Variants in DRG2 observed in about 807,000 individuals in gnomAD.
DRG2 encodes developmentally-regulated GTP-binding protein 2.
A neutral mutation model predicts 53.4 loss-of-function variants in DRG2; 36 were observed. The observed-to-expected ratio is 0.67, with a 90% CI of 0.52 to 0.89. The LOEUF is 0.89. Among genes scored for constraint, DRG2 ranks in the 40% least tolerant of loss-of-function variants. DRG2 has a pLI of 0.00. For missense variants in DRG2, 342 were observed against 481.2 expected (o/e 0.71, Z 2.71); for synonymous variants, 167 against 192.1 (o/e 0.87, Z 1.08).
At chr17:18,089,852 G>A (rs1035730621) in intron 1 of DRG2, among the ~76,000 whole-genome samples, 5 of 152,176 alleles carry the variant, frequency 3.3e-5, no homozygotes, top group African/African-American at 1.2e-4. Context: ...GGGGTGCAGT[G>A]ATGGGACAGG....
Position 18,093,835 on chromosome 17 carries a change from G to T in DRG2, c.87G>T (p.Leu29=). The T allele has an allele frequency of 1.2e-6, 2 of 1,614,128 alleles. No homozygotes were observed. Among genetic ancestry groups the T allele is most frequent in the Non-Finnish European group, 8.5e-7 (1 of 1,180,000 alleles). ...KNKATEYHLG[L]LKAKLAKYRA... ...TAGCCACTGAGTATCATCTGGGCCT[G>T]CTGAAAGCTAAGCTCGCCAAGTATC... is the stretch of plus-strand genomic sequence containing the variant. The change falls in exon 2 of 13, where the codon CTG becomes CTT. Residue 29 remains leucine, a synonymous_variant. Transcript: ENST00000225729.
rs371097365 is a variant in DRG2, at chr17:18,100,558, T to C, written c.541-11T>C. 1 of 1,614,172 alleles carries C rather than the reference T, an allele frequency of 6.2e-7. No individual in the cohort carries two copies. The highest frequency in any genetic ancestry group is 1.1e-5 in the South Asian group (1 of 91,078). The stretch of plus-strand genomic sequence containing the variant: ...GTCAGCAGTTCTCCCCATCCCTTTC[T>C]CCTCTTTCAGCCCAAGAAAGGTGGT... On this transcript the variant is annotated splice_polypyrimidine_tract_variant and intron_variant, in intron 6 of 12. Transcript: ENST00000225729. This position sits in a 1 kb window ranked among gnomAD's most constrained non-coding sequence, Gnocchi z 4.1.
intron 1 of DRG2, among the ~76,000 whole-genome samples, chr17:18,091,037 C>T (rs1343721218): frequency 2.0e-5 from 3 of 152,278 alleles, no homozygotes; most frequent in African/African-American, 7.2e-5. Flanking sequence ...AAAATATTTC[C>T]TGTGTGCCTG....
At chr17:18,102,112 C>A in intron 9 of DRG2, 115 bp downstream of exon 9, 3 of 1,085,932 alleles carry the variant, frequency 2.8e-6, no homozygotes, top group Non-Finnish European at 4.1e-6. Flanking sequence ...CAGCCTCCAG[C>A]AGCACACAGC....
Position 18,107,301 on chromosome 17 carries a change from G to C in DRG2, c.*61G>C, listed in dbSNP as rs1185129059. 2.6e-6 allele frequency: 4 copies of C among 1,530,824 alleles called. No homozygotes were observed. The East Asian group carries it at 6.8e-5, about 26-fold the overall frequency. The allele number at this position is 1,530,824 out of a possible 1,614,324, so 94.8% of individuals were successfully genotyped here. A position where few individuals can be genotyped will look rare whatever the true frequency, so the allele number is the denominator to read the frequency against. On this transcript the variant is annotated 3_prime_UTR_variant, in exon 13 of 13. Transcript: ENST00000225729. Reference sequence around the variant, plus strand: ...CTCCCTGGGGAGGTGGTCCCACTGGGACACACAAACACCCAAACAGAAAAA... The same window carrying C: ...CTCCCTGGGGAGGTGGTCCCACTGGCACACACAAACACCCAAACAGAAAAA...
In DRG2 at chr17:18,103,134, C is replaced by T. The variant is rs115638852; in HGVS notation, c.807-667C>T. 0.019 allele frequency among the ~76,000 whole-genome samples: 2,924 copies of T among 152,252 alleles called. 75 individuals are homozygous for T. Among genetic ancestry groups the T allele is most frequent in the African/African-American group, 0.057 (2,374 of 41,542 alleles). On this transcript the variant is annotated intron_variant, in intron 9 of 12. Transcript: ENST00000225729. This position sits in a 1 kb window ranked among gnomAD's most constrained non-coding sequence, Gnocchi z 4.4. Reference sequence around the variant, plus strand: ...CCTCTCCTCCTGCTGTGTCCCAGGCCTTTGAGGGGCTGCCATCCTCAGGGC... The same window carrying T: ...CCTCTCCTCCTGCTGTGTCCCAGGCTTTTGAGGGGCTGCCATCCTCAGGGC...
intron 2 of DRG2, among the ~76,000 whole-genome samples, chr17:18,095,160 C>T (rs906147479): frequency 8.6e-5 from 13 of 150,848 alleles, no homozygotes; most frequent in East Asian, 4.0e-4. Flanking sequence ...TACAGGCATC[C>T]GCCACCACCC....
rs2045538153 is a variant in DRG2 at position 18,101,606 on chromosome 17, G to C, written c.729+16G>C. Reference sequence around the variant, plus strand: ...CTGCCTGTATGTAAGTGCAGGAGGGGAGCCCTGGCCTGGCCACTCGGCCTT... The same window carrying C: ...CTGCCTGTATGTAAGTGCAGGAGGGCAGCCCTGGCCTGGCCACTCGGCCTT... On this transcript the variant is annotated intron_variant, in intron 8 of 12. Transcript: ENST00000225729. The C allele has an allele frequency of 6.2e-7, 1 of 1,612,556 alleles. No homozygotes were observed. Among genetic ancestry groups the C allele is most frequent in the South Asian group, 1.1e-5 (1 of 91,020 alleles).
rs1260164618 is a variant in DRG2 at position 18,099,766 on chromosome 17, G to A, written c.467+43G>A. ...TGGGGCAGGCTCACATGTCTGGGGA[G>A]GGCCAATGTGTCCCTGAGCTCGTAC... On this transcript the variant is annotated intron_variant, in intron 5 of 12. Transcript: ENST00000225729. This position sits in a 1 kb window ranked among gnomAD's most constrained non-coding sequence, Gnocchi z 4.4. 4 of 1,559,406 alleles carry A rather than the reference G, an allele frequency of 2.6e-6. No individual in the cohort carries two copies. The highest frequency in any genetic ancestry group is 3.8e-5 in the Admixed American group (2 of 52,006).
At position 18,104,648 on chromosome 17, in the gene DRG2, C is replaced by T. The variant is rs2045596018; in HGVS notation, c.921C>T (p.Ile307=). 9 of 1,613,914 alleles carry T rather than the reference C, an allele frequency of 5.6e-6. No homozygotes were observed. Among genetic ancestry groups the T allele is most frequent in the African/African-American group, 2.7e-5 (2 of 75,062 alleles). ...AGAGGCCAGACTTCACAGACGCCATCATTCTCCGGAAAGGGGCCTCAGTGG... is the reference window on the plus strand; with the variant it reads ...AGAGGCCAGACTTCACAGACGCCATTATTCTCCGGAAAGGGGCCTCAGTGG... ...RGQRPDFTDA[I]ILRKGASVEH... is the part of the protein sequence containing the mutation. Residue 307 remains isoleucine, a synonymous_variant, in exon 11 of 13, where the codon ATC becomes ATT. Coordinates refer to ENST00000225729, the MANE Select transcript of DRG2 (RefSeq NM_001388.5).
At chr17:18,094,515 G>T (rs2045392475) in intron 2 of DRG2, among the ~76,000 whole-genome samples, 1 of 152,144 alleles carries the variant, frequency 6.6e-6, no homozygotes, top group Admixed American at 6.5e-5. Flanking sequence ...CAGACAGAGG[G>T]AACAGTGAGC....
At chr17:18,090,241 G>T (rs1453589438) in intron 1 of DRG2, among the ~76,000 whole-genome samples, 24 of 137,498 alleles carry the variant, frequency 1.7e-4, no homozygotes, top group African/African-American at 6.0e-4. Context: ...GCCCAGGCTG[G>T]AGTGCTGGAG....
In DRG2 at chr17:18,101,574, A is replaced by G; in HGVS notation, c.713A>G (p.Tyr238Cys). The change falls in exon 8 of 13, where the codon TAC (tyrosine) becomes TGC (cysteine). Residue 238 changes from tyrosine to cysteine, a missense_variant. Coordinates refer to ENST00000225729, the MANE Select transcript of DRG2 (RefSeq NM_001388.5). ...GATGTGATCGTGGGCAACCGGGTGT[A>G]CATGCCCTGCCTGTATGTAAGTGCA... ...FIDVIVGNRV[Y>C]MPCLYVYNKI... 6.2e-7 allele frequency: 1 copy of G among 1,614,132 alleles called. No homozygotes were observed. Among genetic ancestry groups the G allele is most frequent in the Non-Finnish European group, 8.5e-7 (1 of 1,180,032 alleles).
rs989781832 is a variant in DRG2, at chr17:18,088,036, G to A, written c.13G>A (p.Glu5Lys). 1 of 1,549,852 alleles carries A rather than the reference G, an allele frequency of 6.5e-7. No homozygotes were observed. The highest frequency in any genetic ancestry group is 1.4e-5 in the African/African-American group (1 of 72,992). The stretch of plus-strand genomic sequence containing the variant: ...CTCTGCTGCTACCATGGGGATCTTA[G>A]AGAAGATCTCGGAGATCGAGAAGGA... MGIL[E>K]KISEIEKEIA... The change falls in exon 1 of 13, where the codon GAG becomes AAG. Residue 5 changes from glutamate (E) to lysine (K), a missense_variant. Transcript: ENST00000225729.
chr17:18,106,511 C>A (rs2045635257), intron 12 of DRG2, 25 bp downstream of exon 12: 5 of 1,613,696 alleles, frequency 3.1e-6, no homozygotes, highest in Non-Finnish European at 4.2e-6. Flanking sequence ...GGAAAGCAAC[C>A]AGGGGGGTAG....
chr17:18,088,167 G>T, intron 1 of DRG2, 80 bp downstream of exon 1: 1 of 1,454,614 alleles, frequency 6.9e-7, no homozygotes, highest in Non-Finnish European at 9.3e-7. Flanking sequence ...AACTCCAGCA[G>T]TAATGCTGGG....
rs187314740 is a variant in DRG2, at chr17:18,093,610, G to A, written c.65-203G>A. ...TGGGATTACAGGCGTCAGCCACTGC[G>A]CCCGGTCTAAGAGACTGGATTTTAT... On this transcript the variant is annotated intron_variant, in intron 1 of 12. Transcript: ENST00000225729. Among the ~76,000 whole-genome samples, 51 of 152,250 alleles carry A rather than the reference G, an allele frequency of 3.3e-4. No homozygotes were observed. In the East Asian group the frequency reaches 5.6e-3, roughly 17 times the overall value.
At position 18,099,833 on chromosome 17, in the gene DRG2, AGTGGTAGGACTT is replaced by A. The variant is rs562595344; in HGVS notation, c.467+113_467+124del. On this transcript the variant is annotated intron_variant, in intron 5 of 12. Transcript: ENST00000225729. The surrounding 1 kb of genome is among the most constrained non-coding windows in gnomAD (Gnocchi z 4.4). Reference sequence around the variant, plus strand: ...GTTTGGCTCTCTCACACGTGAGAGTAGTGGTAGGACTTGTCACAGACTAAACCCAACACCACC... The same window carrying A: ...GTTTGGCTCTCTCACACGTGAGAGTAGTCACAGACTAAACCCAACACCACC... 359 of 1,094,588 alleles carry A rather than the reference AGTGGTAGGACTT, an allele frequency of 3.3e-4. No individual in the cohort carries two copies. In the African/African-American group the frequency reaches 5.1e-3, roughly 16 times the overall value. 67.8% of individuals were successfully genotyped at this position (1,094,588 alleles called of 1,614,324 possible).
rs1401356939 is a variant in DRG2 at position 18,100,466 on chromosome 17, G to A, written c.540+31G>A. 1.2e-6 allele frequency: 2 copies of A among 1,614,102 alleles called. No homozygotes were observed. Among genetic ancestry groups the A allele is most frequent in the Non-Finnish European group, 8.5e-7 (1 of 1,180,028 alleles). On this transcript the variant is annotated intron_variant, in intron 6 of 12. Coordinates refer to ENST00000225729, the MANE Select transcript of DRG2 (RefSeq NM_001388.5). The surrounding 1 kb of genome is among the most constrained non-coding windows in gnomAD (Gnocchi z 4.1). Reference sequence around the variant, plus strand: ...GCACCTCTCTGGCCTTCAGGCCAGGGGTGTGGCAGTTTTGAGACTGCATTG... The same window carrying A: ...GCACCTCTCTGGCCTTCAGGCCAGGAGTGTGGCAGTTTTGAGACTGCATTG...
Sources: gnomAD v4.1 joint callset for allele counts (sites outside exome capture counted in the v4.1 genomes callset) on GRCh38, gnomAD v4.1.1 for gene constraint, Gnocchi (gnomAD v3.1) non-coding constraint, MANE v1.5 for transcripts, NCBI Gene and HGNC (gene_info 2026-07-23, HGNC 2026-07-21) for gene names.